Variants in ZNF804B observed in about 807,000 individuals in gnomAD.
ZNF804B encodes zinc finger protein 804B, also known as zinc finger 804B.
ZNF804B carries 80 observed loss-of-function variants against 101.4 expected under a neutral mutation model. The ratio of observed to expected loss-of-function variants is 0.79; its 90% CI spans 0.66 to 0.95. The LOEUF is 0.95. Ranked by LOEUF, ZNF804B falls within the 40% of genes least tolerant of loss-of-function variation. ZNF804B has a pLI of 0.00. For missense variants in ZNF804B, 1,673 were observed against 1,561.9 expected (o/e 1.07, Z -1.20); for synonymous variants, 622 against 558.8 (o/e 1.11, Z -1.59).
chr7:89,215,351 T>C (rs1788873560), intron 1 of ZNF804B, among the ~76,000 whole-genome samples: 1 of 152,208 alleles, frequency 6.6e-6, no homozygotes, highest in Admixed American at 6.5e-5. Flanking sequence ...TTTAGAAATA[T>C]AGAATGTTTA....
chr7:88,827,520 A>G (rs576159019), intron 1 of ZNF804B, among the ~76,000 whole-genome samples: 1 of 151,870 alleles, frequency 6.6e-6, no homozygotes, highest in Non-Finnish European at 1.5e-5. Flanking sequence ...ATTTGTCTTC[A>G]TGGTGTTCCA....
chr7:89,182,309 A>G (rs1371943224), intron 1 of ZNF804B, among the ~76,000 whole-genome samples: 1 of 152,204 alleles, frequency 6.6e-6, no homozygotes, highest in African/African-American at 2.4e-5. Flanking sequence ...CCTTTTCAGC[A>G]ATCAAAATTC....
chr7:89,198,589 A>G (rs1788587952), intron 1 of ZNF804B, among the ~76,000 whole-genome samples: 2 of 152,006 alleles, frequency 1.3e-5, no homozygotes, highest in South Asian at 2.1e-4. Context: ...TGTAAATGCA[A>G]TAAAAGTTAA....
chr7:88,847,690 G>A (rs546745216), intron 1 of ZNF804B, among the ~76,000 whole-genome samples: 1 of 152,244 alleles, frequency 6.6e-6, no homozygotes, highest in East Asian at 1.9e-4. Context: ...ATGATAAAGT[G>A]TGATGAGTGC....
At chr7:89,280,776 CAA>C (rs767238567) in intron 2 of ZNF804B, among the ~76,000 whole-genome samples, 1 of 152,200 alleles carries the variant, frequency 6.6e-6, no homozygotes, top group Non-Finnish European at 1.5e-5. Flanking sequence ...GCTTACCAAT[CAA>C]AAAGAGTCCA....
intron 1 of ZNF804B, among the ~76,000 whole-genome samples, chr7:89,121,691 G>A (rs993619619): frequency 2.6e-5 from 4 of 152,076 alleles, no homozygotes; most frequent in African/African-American, 9.7e-5. Flanking sequence ...AATTAATAAA[G>A]AATCTAAAGA....
chr7:88,940,220 C>T (rs1793037004), intron 1 of ZNF804B, among the ~76,000 whole-genome samples: 1 of 151,660 alleles, frequency 6.6e-6, no homozygotes, highest in Admixed American at 6.6e-5. Context: ...AACATACTTC[C>T]AAGTAATCCA....
At chr7:89,213,249 C>T (rs1048204732) in intron 1 of ZNF804B, among the ~76,000 whole-genome samples, 19 of 152,126 alleles carry the variant, frequency 1.2e-4, no homozygotes, top group Non-Finnish European at 8.8e-5. Context: ...GCAGCAGCCA[C>T]TTGATTGGAA....
intron 2 of ZNF804B, among the ~76,000 whole-genome samples, chr7:89,305,874 T>C (rs1790554551): frequency 6.6e-6 from 1 of 152,014 alleles, no homozygotes; most frequent in East Asian, 1.9e-4. Context: ...ATGTGTACTT[T>C]TTATGGTAGC....
Position 89,277,759 on chromosome 7 carries a change from T to A in ZNF804B, c.250-49585T>A, listed in dbSNP as rs930283957. On this transcript the variant is annotated intron_variant, in intron 2 of 3. Coordinates refer to ENST00000333190, the MANE Select transcript of ZNF804B (RefSeq NM_181646.5). ...TAATCCCATCTATCATTTTTGGACA[T>A]TTGTGTTGGTTCCAAGTCTTTGCTA... Among the ~76,000 whole-genome samples, 5 of 151,930 alleles carry A rather than the reference T, an allele frequency of 3.3e-5. No homozygotes were observed. The South Asian group carries it at 1.0e-3, about 32-fold the overall frequency.
chr7:89,028,064 C>T (rs942192543), intron 1 of ZNF804B, among the ~76,000 whole-genome samples: 4 of 152,142 alleles, frequency 2.6e-5, no homozygotes, highest in Admixed American at 2.6e-4. Flanking sequence ...TGATTCCTGA[C>T]CTCATCATGT....
intron 2 of ZNF804B, among the ~76,000 whole-genome samples, chr7:89,224,173 C>G (rs1428228175): frequency 6.6e-6 from 1 of 151,832 alleles, no homozygotes; most frequent in African/African-American, 2.4e-5. Context: ...TACAATTAAC[C>G]CATAAAAAAT....
rs1405477263 is a variant in ZNF804B, at chr7:89,324,695, C to CT, written c.250-2646dup. On this transcript the variant is annotated intron_variant, in intron 2 of 3. Coordinates refer to ENST00000333190, the MANE Select transcript of ZNF804B (RefSeq NM_181646.5). Reference sequence around the variant, plus strand: ...CTTTGTTGTCCTCCTGGCTAAAACACTTTATCATTTTAATGGCTGCTGTAG... The same window carrying CT: ...CTTTGTTGTCCTCCTGGCTAAAACACTTTTATCATTTTAATGGCTGCTGTAG... Among the ~76,000 whole-genome samples the CT allele has an allele frequency of 2.0e-5, 3 of 146,506 alleles. No individual in the cohort carries two copies. The East Asian group carries it at 6.1e-4, about 30-fold the overall frequency.
intron 1 of ZNF804B, among the ~76,000 whole-genome samples, chr7:89,149,426 G>A (rs985686197): frequency 1.3e-5 from 2 of 151,882 alleles, no homozygotes; most frequent in African/African-American, 4.8e-5. Context: ...CCCTATGTTT[G>A]CCAGCCTTAT....
At chr7:89,141,791 G>A (rs1790721787) in intron 1 of ZNF804B, among the ~76,000 whole-genome samples, 1 of 151,622 alleles carries the variant, frequency 6.6e-6, no homozygotes, top group Non-Finnish European at 1.5e-5. Flanking sequence ...AGATTTGTAA[G>A]TATATTTTTT....
At chr7:89,217,681 A>G (rs908632389) in intron 1 of ZNF804B, among the ~76,000 whole-genome samples, 2 of 152,164 alleles carry the variant, frequency 1.3e-5, no homozygotes, top group African/African-American at 4.8e-5. Flanking sequence ...CTTGTGGAGG[A>G]GGCTTTGGCA....
chr7:88,858,276 A>G lies in ZNF804B; in HGVS notation c.108+98192A>G, dbSNP rs183581041. Among the ~76,000 whole-genome samples the G allele has an allele frequency of 4.5e-3, 681 of 152,308 alleles. 9 individuals carry two copies. The highest frequency in any genetic ancestry group is 0.014 in the African/African-American group (574 of 41,580). ...TTTCCTAGTTTCCTTTCTTCAAGGT[A>G]CTTTCACCAACATAAAGCCTCTTGT... On this transcript the variant is annotated intron_variant, in intron 1 of 3. Coordinates refer to ENST00000333190, the MANE Select transcript of ZNF804B (RefSeq NM_181646.5).
intron 1 of ZNF804B, among the ~76,000 whole-genome samples, chr7:88,845,581 G>GGT (rs1554339317): frequency 1.4e-5 from 2 of 147,828 alleles, no homozygotes; most frequent in African/African-American, 4.9e-5. Flanking sequence ...TTTGCTCAGG[G>GGT]TTTTTTTTTT....
intron 2 of ZNF804B, among the ~76,000 whole-genome samples, chr7:89,266,738 G>T (rs1441335011): frequency 1.3e-5 from 2 of 151,672 alleles, no homozygotes; most frequent in Non-Finnish European, 2.9e-5. Context: ...TTCTTTATTT[G>T]GTTCCAAAAA....
Sources: gnomAD v4.1 joint callset for allele counts (sites outside exome capture counted in the v4.1 genomes callset) on GRCh38, gnomAD v4.1.1 for gene constraint, MANE v1.5 for transcripts, NCBI Gene and HGNC (gene_info 2026-07-23, HGNC 2026-07-21) for gene names.